Variants in CNTNAP2 observed in about 807,000 individuals in gnomAD.
CNTNAP2 encodes contactin-associated protein-like 2.
CNTNAP2 carries 98 observed loss-of-function variants against 155.2 expected under a neutral mutation model. That is an observed-to-expected ratio of 0.63 (90% CI 0.54 to 0.75). The LOEUF is 0.75. Among genes scored for constraint, CNTNAP2 ranks in the 30% least tolerant of loss-of-function variants. CNTNAP2 has a pLI of 0.00. For synonymous variants in CNTNAP2, 651 were observed against 631.2 expected, an observed-to-expected ratio of 1.03 and a Z score of -0.47; for missense variants, 1,727 against 1,688.1, an observed-to-expected ratio of 1.02 and a Z score of -0.40.
intron 13 of CNTNAP2, among the ~76,000 whole-genome samples, chr7:147,739,321 C>T (rs1208398328): frequency 6.6e-6 from 1 of 151,840 alleles, no homozygotes; most frequent in Non-Finnish European, 1.5e-5. Flanking sequence ...ATCTCAATGC[C>T]CTTCTTACTA....
chr7:147,186,095 C>T (rs889290136), intron 8 of CNTNAP2, among the ~76,000 whole-genome samples: 30 of 152,038 alleles, frequency 2.0e-4, no homozygotes, highest in African/African-American at 5.3e-4. Flanking sequence ...TATGTTAAAA[C>T]GACATTTTGA....
At chr7:147,417,801 A>G (rs1252921190) in intron 10 of CNTNAP2, among the ~76,000 whole-genome samples, 3 of 152,226 alleles carry the variant, frequency 2.0e-5, no homozygotes, top group Non-Finnish European at 4.4e-5. Context: ...GGCAAGAAAG[A>G]AAGATAAGCC....
intron 1 of CNTNAP2, among the ~76,000 whole-genome samples, chr7:146,283,025 G>T (rs1372138349): frequency 6.6e-6 from 1 of 152,116 alleles, no homozygotes; most frequent in East Asian, 1.9e-4. Context: ...AGCAATTATT[G>T]TAAGACACAT....
At chr7:147,449,485 C>A (rs1797795948) in intron 10 of CNTNAP2, among the ~76,000 whole-genome samples, 1 of 152,020 alleles carries the variant, frequency 6.6e-6, no homozygotes, top group Admixed American at 6.6e-5. Flanking sequence ...CTGATCCTCT[C>A]TCAGAAGTAG....
intron 21 of CNTNAP2, among the ~76,000 whole-genome samples, chr7:148,373,894 T>C (rs1798934473): frequency 6.6e-6 from 1 of 152,172 alleles, no homozygotes; most frequent in Non-Finnish European, 1.5e-5. Flanking sequence ...TGCGATCGTA[T>C]GGTTTAAATT....
chr7:147,407,515 A>G (rs1209205554), intron 10 of CNTNAP2, among the ~76,000 whole-genome samples: 1 of 149,002 alleles, frequency 6.7e-6, no homozygotes, highest in African/African-American at 2.4e-5. Context: ...GAAATACCAT[A>G]CACATGAAGG....
At chr7:147,238,729 G>A (rs1250656960) in intron 8 of CNTNAP2, among the ~76,000 whole-genome samples, 1 of 152,050 alleles carries the variant, frequency 6.6e-6, no homozygotes. Context: ...TCCAGTAAAC[G>A]TAATTAAATT....
At chr7:147,395,513 G>T in intron 9 of CNTNAP2, 96 bp from the exon 10 acceptor site, 5 of 1,188,040 alleles carry the variant, frequency 4.2e-6, no homozygotes, top group Non-Finnish European at 6.3e-6. Context: ...ACAGTAGTTG[G>T]ATGTGATGGC....
chr7:147,608,255 A>C (rs1307462699), intron 12 of CNTNAP2, among the ~76,000 whole-genome samples: 1 of 151,758 alleles, frequency 6.6e-6, no homozygotes, highest in Non-Finnish European at 1.5e-5. Context: ...CTTGCACCTT[A>C]CACATACTTT....
At chr7:147,731,633 C>A (rs2116467177) in intron 13 of CNTNAP2, among the ~76,000 whole-genome samples, 1 of 152,092 alleles carries the variant, frequency 6.6e-6, no homozygotes, top group East Asian at 1.9e-4. Context: ...GCCTGTGAAT[C>A]AAGGAGTAAT....
intron 21 of CNTNAP2, among the ~76,000 whole-genome samples, chr7:148,283,137 G>T (rs757942384): frequency 7.4e-6 from 1 of 135,168 alleles, no homozygotes; most frequent in African/African-American, 2.6e-5. Context: ...TACTTGGGAG[G>T]CTGAGGCAGG....
chr7:146,508,403 T>C (rs971505021), intron 1 of CNTNAP2, among the ~76,000 whole-genome samples: 1 of 152,226 alleles, frequency 6.6e-6, no homozygotes, highest in Non-Finnish European at 1.5e-5. Context: ...TTTATAAGCA[T>C]GCAGCCAAGT....
chr7:148,363,852 G>GCGCGTGC (rs1563058141), intron 21 of CNTNAP2, among the ~76,000 whole-genome samples: 8 of 148,714 alleles, frequency 5.4e-5, no homozygotes, highest in Non-Finnish European at 9.0e-5. Flanking sequence ...GCTGCGTGCG[G>GCGCGTGC]GCCAGCTGGA....
rs1480775145 is a variant in CNTNAP2 at position 147,224,664 on chromosome 7, TAATGGGTGAAGTATG to T, written c.1349-75427_1349-75413del. 1.7e-3 allele frequency among the ~76,000 whole-genome samples: 263 copies of T among 152,216 alleles called. 1 individual carries two copies. The highest frequency in any genetic ancestry group is 6.8e-3 in the Middle Eastern group (2 of 294). The stretch of plus-strand genomic sequence containing the variant: ...TTCTTTCATAGTCCCAGAAAGTATA[TAATGGGTGAAGTATG>T]AATGGGTGAAGTATGAATGGGTGAA... On this transcript the variant is annotated intron_variant, in intron 8 of 23. Transcript: ENST00000361727.
At chr7:147,975,072 A>AGG (rs71183040) in intron 14 of CNTNAP2, among the ~76,000 whole-genome samples, 1 of 151,310 alleles carries the variant, frequency 6.6e-6, no homozygotes, top group African/African-American at 2.4e-5. Context: ...TTTTTGTATT[A>AGG]TGTATAATAC....
chr7:146,273,837 C>T (rs868314457), intron 1 of CNTNAP2, among the ~76,000 whole-genome samples: 2 of 152,010 alleles, frequency 1.3e-5, no homozygotes, highest in African/African-American at 2.4e-5. Flanking sequence ...TAAAACAAGG[C>T]GATGACCCTG....
chr7:146,368,071 G>C (rs972724195), intron 1 of CNTNAP2, among the ~76,000 whole-genome samples: 2 of 151,942 alleles, frequency 1.3e-5, no homozygotes, highest in African/African-American at 4.8e-5. Flanking sequence ...ATCTATATTA[G>C]ATATCACTTT....
chr7:147,404,609 A>T (rs1796972534), intron 10 of CNTNAP2, among the ~76,000 whole-genome samples: 1 of 152,198 alleles, frequency 6.6e-6, no homozygotes, highest in African/African-American at 2.4e-5. Context: ...AATCTGACTT[A>T]TTCATAATAT....
chr7:147,436,468 A>G (rs1563203428), intron 10 of CNTNAP2, among the ~76,000 whole-genome samples: 1 of 152,224 alleles, frequency 6.6e-6, no homozygotes, highest in Non-Finnish European at 1.5e-5. Flanking sequence ...GGGAATAAAC[A>G]GACTAAAAAA....
Sources: allele counts gnomAD v4.1 joint callset (sites outside exome capture counted in the v4.1 genomes callset), GRCh38; gene constraint gnomAD v4.1.1; transcripts MANE v1.5; gene names NCBI Gene and HGNC (gene_info 2026-07-23, HGNC 2026-07-21).